The following FAT4 variants were observed in gnomAD, a reference collection of about 807,000 sequenced individuals.
The protein encoded by FAT4 is protocadherin Fat 4.
FAT4 carries 84 observed loss-of-function variants against 303.9 expected under a neutral mutation model. The observed-to-expected ratio is 0.28, with a 90% CI of 0.23 to 0.33. The LOEUF (loss-of-function observed/expected upper bound fraction) is 0.33. FAT4 is among the 10% of genes least tolerant of loss of function. The pLI is 1.00. For missense variants in FAT4, 6,005 were observed against 6,146.8 expected, an observed-to-expected ratio of 0.98 and a Z score of 0.77; for synonymous variants, 2,307 against 2,298.8, an observed-to-expected ratio of 1.00 and a Z score of -0.10.
At chr4:125,400,951 G>T (rs1426115768) in intron 3 of FAT4, among the ~76,000 whole-genome samples, 1 of 151,940 alleles carries the variant, frequency 6.6e-6, no homozygotes, top group Non-Finnish European at 1.5e-5. Flanking sequence ...TATGTATGAG[G>T]TGTGACTGTG....
chr4:125,445,957 C>T (rs1243821836), intron 8 of FAT4, among the ~76,000 whole-genome samples: 2 of 152,180 alleles, frequency 1.3e-5, no homozygotes, highest in East Asian at 3.9e-4. Flanking sequence ...CTACTAACCA[C>T]AATATTAGAG....
rs766318827 is a variant in FAT4, at chr4:125,316,667, A to T, written c.256A>T (p.Ser86Cys). The change falls in exon 2 of 18, where the codon AGC becomes TGC. Residue 86 changes from serine (S) to cysteine (C), a missense_variant. Transcript: ENST00000394329. This position sits in a 1 kb window ranked among gnomAD's most constrained non-coding sequence, Gnocchi z 5.7. ...ESHALFAINS[S>C]TGALYTTSTI... ...CCACGCCCTGTTTGCCATAAACAGT[A>T]GCACCGGAGCCCTGTACACCACCTC... 1 of 1,613,658 alleles carries T rather than the reference A, an allele frequency of 6.2e-7. No homozygotes were observed. Among genetic ancestry groups the T allele is most frequent in the South Asian group, 1.1e-5 (1 of 91,072 alleles).
At chr4:125,344,013 A>G (rs1356408186) in intron 2 of FAT4, among the ~76,000 whole-genome samples, 2 of 152,106 alleles carry the variant, frequency 1.3e-5, no homozygotes, top group African/African-American at 4.8e-5. Context: ...GGAGGAGTGT[A>G]TTAGGAGAGA....
chr4:125,377,990 A>G (rs9994504), intron 2 of FAT4, among the ~76,000 whole-genome samples: 1 of 151,966 alleles, frequency 6.6e-6, no homozygotes, highest in East Asian at 1.9e-4. Context: ...ACGTATGCCC[A>G]GGGTTGTATT....
At chr4:125,460,204 C>T (rs1726435201) in intron 10 of FAT4, among the ~76,000 whole-genome samples, 2 of 151,958 alleles carry the variant, frequency 1.3e-5, no homozygotes, top group Non-Finnish European at 2.9e-5. Flanking sequence ...ACATACTCTA[C>T]CACCAACAGA....
At position 125,415,749 on chromosome 4, in the gene FAT4, T is replaced by G; in HGVS notation, c.6786T>G (p.Ser2262=). The change falls in exon 6 of 18, where the codon TCT becomes TCG. Residue 2262 remains serine, a synonymous_variant. Transcript: ENST00000394329. ...ACTTTGTTCCTGTATTTGAGCTATC[T>G]CCATATTCTGTAAATGTCCCTGAGA... The part of the protein sequence containing the change: ...INDFVPVFEL[S]PYSVNVPENL... 6.2e-7 allele frequency: 1 copy of G among 1,613,940 alleles called. No individual in the cohort carries two copies. Among genetic ancestry groups the G allele is most frequent in the Non-Finnish European group, 8.5e-7 (1 of 1,179,892 alleles).
intron 7 of FAT4, among the ~76,000 whole-genome samples, chr4:125,430,720 G>A (rs1374872229): frequency 2.0e-5 from 3 of 152,010 alleles, no homozygotes; most frequent in African/African-American, 7.2e-5. Flanking sequence ...CTGATAATAA[G>A]GGGAGAAAAG....
chr4:125,408,779 A>G lies in FAT4; in HGVS notation c.5905A>G (p.Thr1969Ala). 6.6e-7 allele frequency: 1 copy of G among 1,508,932 alleles called. No individual in the cohort carries two copies. Among genetic ancestry groups the G allele is most frequent in the Non-Finnish European group, 9.0e-7 (1 of 1,116,506 alleles). 93.5% of individuals were successfully genotyped at this position (1,508,932 alleles called of 1,614,324 possible). A position where few individuals can be genotyped will look rare whatever the true frequency, so the allele number is the denominator to read the frequency against. ...ATCTACTGTTCTTGTGTTTAATGTT[A>G]CTGATGCAGATGATGGTATGTATTT... ...VGSTVLVFNV[T>A]DADDGINSQL... is the part of the protein sequence containing the mutation. Residue 1969 changes from threonine to alanine, a missense_variant, in exon 5 of 18, where the codon ACT becomes GCT. Coordinates refer to ENST00000394329, the MANE Select transcript of FAT4 (RefSeq NM_001291303.3).
intron 3 of FAT4, among the ~76,000 whole-genome samples, chr4:125,401,744 A>AAAGAG (rs3034202): frequency 6.6e-6 from 1 of 151,822 alleles, no homozygotes; most frequent in Admixed American, 6.6e-5. Flanking sequence ...TCCCTTTTAT[A>AAAGAG]AATTATGCTA....
intron 2 of FAT4, among the ~76,000 whole-genome samples, chr4:125,348,540 A>C (rs1351834480): frequency 6.6e-6 from 1 of 151,722 alleles, no homozygotes; most frequent in Non-Finnish European, 1.5e-5. Context: ...AGAGTGGAGA[A>C]AACTAATTTT....
At position 125,492,919 on chromosome 4, in the gene FAT4, A is replaced by T. The variant is rs1313465694; in HGVS notation, c.*1151A>T. On this transcript the variant is annotated 3_prime_UTR_variant, in exon 18 of 18. Transcript: ENST00000394329. The stretch of plus-strand genomic sequence containing the variant: ...TAAATGTCAACAATAGAATTAAAAT[A>T]TTTATTTAAAATATTTTGTATTCAT... 6.6e-6 allele frequency: 1 copy of T among 152,416 alleles called. No homozygotes were observed. Among genetic ancestry groups the T allele is most frequent in the East Asian group, 1.9e-4 (1 of 5,190 alleles). The allele number at this position is 152,416 out of a possible 1,614,324, so 9.4% of individuals were successfully genotyped here. A position where few individuals can be genotyped will look rare whatever the true frequency, so the allele number is the denominator to read the frequency against.
chr4:125,354,382 T>C (rs890410004), intron 2 of FAT4, among the ~76,000 whole-genome samples: 1 of 151,796 alleles, frequency 6.6e-6, no homozygotes, highest in Admixed American at 6.6e-5. Context: ...TTTGGTGTTA[T>C]ATATGGATAT....
At chr4:125,478,711 A>G (rs111725680) in intron 14 of FAT4, among the ~76,000 whole-genome samples, 3,474 of 152,054 alleles carry the variant, frequency 0.023, 136 homozygotes, top group African/African-American at 0.081. Flanking sequence ...TTGTATTTTT[A>G]GTAGAGACGG....
At position 125,321,352 on chromosome 4, in the gene FAT4, C is replaced by A. The variant is rs184884584; in HGVS notation, c.4941C>A (p.Asn1647Lys). The A allele has an allele frequency of 6.2e-7, 1 of 1,614,060 alleles. No individual in the cohort carries two copies. The highest frequency in any genetic ancestry group is 8.5e-7 in the Non-Finnish European group (1 of 1,179,968). The change falls in exon 2 of 18, where the codon AAC (asparagine) becomes AAA (lysine). Residue 1647 changes from asparagine to lysine, a missense_variant. Asn to Lys is a moderately conservative substitution (Grantham distance 94). Transcript: ENST00000394329. The part of the protein sequence containing the change: ...ILKEGEPIGT[N>K]VISIEAASPR... The stretch of plus-strand genomic sequence containing the variant: ...AGGAAGGAGAACCCATTGGCACAAA[C>A]GTGATATCAATAGAAGCAGCTAGCC...
intron 12 of FAT4, among the ~76,000 whole-genome samples, chr4:125,474,810 C>A (rs1857899): frequency 0.35 from 52,805 of 151,730 alleles, 9,573 homozygotes; most frequent in East Asian, 0.58. Flanking sequence ...GGAAATTAAT[C>A]ATTTTCATTC....
intron 7 of FAT4, among the ~76,000 whole-genome samples, chr4:125,417,959 T>C (rs1309632474): frequency 6.6e-6 from 1 of 152,198 alleles, no homozygotes. Flanking sequence ...CCTTGGATAC[T>C]CTTGATATGA....
chr4:125,319,477 T>C lies in FAT4; in HGVS notation c.3066T>C (p.Asp1022=), dbSNP rs1382168760. 1.2e-6 allele frequency: 2 copies of C among 1,612,742 alleles called. No individual in the cohort carries two copies. The highest frequency in any genetic ancestry group is 8.5e-7 in the Non-Finnish European group (1 of 1,178,868). Residue 1022 remains aspartate (D), a synonymous_variant, in exon 2 of 18, where the codon GAT becomes GAC. Transcript: ENST00000394329. ...GATTCTTTAAAGTACAAGCTTCTGA[T>C]AAGGATTCAGGAGCAAATGGTGAAA... The part of the protein sequence containing the change: ...NSRFFKVQAS[D]KDSGANGEIA...
chr4:125,346,319 G>A (rs189791231), intron 2 of FAT4, among the ~76,000 whole-genome samples: 1 of 151,980 alleles, frequency 6.6e-6, no homozygotes, highest in East Asian at 1.9e-4. Context: ...TCAAGTTGGG[G>A]TACAGTAAGC....
At chr4:125,354,752 G>GGA (rs564201158) in intron 2 of FAT4, among the ~76,000 whole-genome samples, 2,217 of 135,230 alleles carry the variant, frequency 0.016, 61 homozygotes, top group African/African-American at 0.056. Flanking sequence ...AGAGTTTAAT[G>GGA]AAAAAAAAAA....
Sources: allele counts gnomAD v4.1 joint callset (sites outside exome capture counted in the v4.1 genomes callset), GRCh38; gene constraint gnomAD v4.1.1; non-coding constraint Gnocchi (gnomAD v3.1); transcripts MANE v1.5; gene names NCBI Gene and HGNC (gene_info 2026-07-23, HGNC 2026-07-21).